GRID2: variants seen among roughly 807,000 people sequenced by gnomAD.
GRID2 encodes glutamate ionotropic receptor delta type subunit 2, also known as glutamate receptor ionotropic, delta-2.
A neutral mutation model predicts 114.8 loss-of-function variants in GRID2; 33 were observed. The ratio of observed to expected loss-of-function variants is 0.29; its 90% CI spans 0.22 to 0.38. GRID2 has a LOEUF of 0.38. Ranked by LOEUF, GRID2 falls within the 10% of genes least tolerant of loss-of-function variation. The probability of loss-of-function intolerance (pLI) is 1.00; values close to 1 mark genes in which losing one functional copy is unlikely to be tolerated. For synonymous variants in GRID2, 505 were observed against 449.9 expected, an observed-to-expected ratio of 1.12 and a Z score of -1.55; for missense variants, 1,184 against 1,257.7, an observed-to-expected ratio of 0.94 and a Z score of 0.89.
chr4:93,716,575 T>C (rs191386300), intron 14 of GRID2, among the ~76,000 whole-genome samples: 1 of 152,016 alleles, frequency 6.6e-6, no homozygotes, highest in African/African-American at 2.4e-5. Flanking sequence ...TGTTATCTAT[T>C]TAAAATGGAC....
intron 8 of GRID2, among the ~76,000 whole-genome samples, chr4:93,280,535 C>T (rs1299439818): frequency 6.6e-6 from 1 of 151,890 alleles, no homozygotes; most frequent in African/African-American, 2.4e-5. Flanking sequence ...ATGCCTTTAT[C>T]TCTTTTTTAT....
At position 93,023,022 on chromosome 4, in the gene GRID2, A is replaced by C. The variant is rs141615263; in HGVS notation, c.245-61973A>C. Among the ~76,000 whole-genome samples the C allele has an allele frequency of 3.6e-3, 548 of 151,966 alleles. 1 individual carries two copies. The highest frequency in any genetic ancestry group is 0.011 in the African/African-American group (476 of 41,498). ...AGAATGTTGACATTGTTTATGTATAAATAGTGAACCAGTGCCATTGATTTT... is the reference window on the plus strand; with the variant it reads ...AGAATGTTGACATTGTTTATGTATACATAGTGAACCAGTGCCATTGATTTT... On this transcript the variant is annotated intron_variant, in intron 2 of 15. Transcript: ENST00000282020.
intron 1 of GRID2, among the ~76,000 whole-genome samples, chr4:92,473,964 T>TTGTGTGTGTGTGTGTGTG (rs59328379): frequency 6.9e-6 from 1 of 144,358 alleles, no homozygotes; most frequent in Non-Finnish European, 1.5e-5. Flanking sequence ...GTTATCTTGG[T>TTGTGTGTGTGTGTGTGTG]TGTGTGTGTG....
chr4:93,191,536 A>G (rs1357230483), intron 4 of GRID2, among the ~76,000 whole-genome samples: 1 of 152,154 alleles, frequency 6.6e-6, no homozygotes, highest in Non-Finnish European at 1.5e-5. Flanking sequence ...CTCTAAATAT[A>G]TTTTATACAA....
Position 92,805,781 on chromosome 4 carries a change from A to T in GRID2, c.244+215495A>T, listed in dbSNP as rs1235980636. ...TTGCACTCTCCAGCCTGAGTGATAAAGTGAAACTCTCTCTTAAAAGAAAGA... is the reference window on the plus strand; with the variant it reads ...TTGCACTCTCCAGCCTGAGTGATAATGTGAAACTCTCTCTTAAAAGAAAGA... On this transcript the variant is annotated intron_variant, in intron 2 of 15. Transcript: ENST00000282020. 2.0e-5 allele frequency among the ~76,000 whole-genome samples: 3 copies of T among 151,970 alleles called. No homozygotes were observed. In the East Asian group the frequency reaches 5.8e-4, roughly 30 times the overall value.
intron 2 of GRID2, among the ~76,000 whole-genome samples, chr4:92,654,067 A>G (rs1408303044): frequency 6.6e-6 from 1 of 152,116 alleles, no homozygotes; most frequent in African/African-American, 2.4e-5. Flanking sequence ...CATTACTCCA[A>G]AGGGTAAATG....
chr4:92,434,244 A>T (rs1400190895), intron 1 of GRID2, among the ~76,000 whole-genome samples: 4 of 152,102 alleles, frequency 2.6e-5, no homozygotes, highest in African/African-American at 9.7e-5. Flanking sequence ...TTTTGCGTGT[A>T]GTCTCTGATG....
chr4:93,657,134 A>G (rs1174907420), intron 14 of GRID2, among the ~76,000 whole-genome samples: 1 of 152,114 alleles, frequency 6.6e-6, no homozygotes. Context: ...ATTTAAGAAT[A>G]AGAAATTCAT....
chr4:92,944,477 C>A (rs961868212), intron 2 of GRID2, among the ~76,000 whole-genome samples: 2 of 152,230 alleles, frequency 1.3e-5, no homozygotes, highest in Non-Finnish European at 2.9e-5. Flanking sequence ...TCTGTCACCC[C>A]TTTCTTTGAC....
At chr4:92,817,522 A>G (rs920354394) in intron 2 of GRID2, among the ~76,000 whole-genome samples, 1 of 152,072 alleles carries the variant, frequency 6.6e-6, no homozygotes, top group Non-Finnish European at 1.5e-5. Flanking sequence ...CTCCTCATAA[A>G]TATCTAATGC....
chr4:92,306,186 T>C (rs967226355), intron 1 of GRID2, among the ~76,000 whole-genome samples: 27 of 152,244 alleles, frequency 1.8e-4, no homozygotes, highest in African/African-American at 6.5e-4. Flanking sequence ...AGAGGCTGTC[T>C]TTGTAAACAT....
intron 8 of GRID2, among the ~76,000 whole-genome samples, chr4:93,361,583 A>G (rs547349351): frequency 3.3e-5 from 5 of 151,764 alleles, no homozygotes; most frequent in Non-Finnish European, 5.9e-5. Flanking sequence ...CCACCTTTTT[A>G]ATAGAGCCTT....
intron 1 of GRID2, among the ~76,000 whole-genome samples, chr4:92,435,181 C>A (rs1732676473): frequency 1.3e-5 from 2 of 152,100 alleles, no homozygotes; most frequent in Admixed American, 1.3e-4. Context: ...CCTGGGCCAC[C>A]AAACCGGATT....
intron 14 of GRID2, among the ~76,000 whole-genome samples, chr4:93,709,966 T>G (rs1216371968): frequency 1.3e-5 from 2 of 152,208 alleles, no homozygotes; most frequent in Non-Finnish European, 2.9e-5. Context: ...ATTCTGAATT[T>G]TTTTCTCTGT....
intron 6 of GRID2, among the ~76,000 whole-genome samples, chr4:93,218,117 T>C (rs1186529660): frequency 1.3e-5 from 2 of 152,096 alleles, no homozygotes; most frequent in Admixed American, 6.6e-5. Context: ...CCATTTCTTC[T>C]AATTACTATC....
intron 1 of GRID2, among the ~76,000 whole-genome samples, chr4:92,370,412 G>C (rs1729064589): frequency 6.6e-6 from 1 of 152,076 alleles, no homozygotes; most frequent in African/African-American, 2.4e-5. Flanking sequence ...AACACTTTGG[G>C]AGGCTGAGGC....
At chr4:93,007,806 T>C (rs1352218511) in intron 2 of GRID2, among the ~76,000 whole-genome samples, 1 of 151,898 alleles carries the variant, frequency 6.6e-6, no homozygotes, top group Non-Finnish European at 1.5e-5. Context: ...TTTGGGAGGC[T>C]GGGCCCAGTG....
At chr4:92,834,426 A>G (rs1742318037) in intron 2 of GRID2, among the ~76,000 whole-genome samples, 1 of 152,096 alleles carries the variant, frequency 6.6e-6, no homozygotes, top group Non-Finnish European at 1.5e-5. Context: ...TAACAGTGGA[A>G]TATTGTCTAT....
intron 4 of GRID2, among the ~76,000 whole-genome samples, chr4:93,195,530 C>T (rs1296136248): frequency 6.6e-6 from 1 of 152,046 alleles, no homozygotes; most frequent in Non-Finnish European, 1.5e-5. Context: ...TTGTGTATGG[C>T]CAAATAAGCT....
Sources: allele counts gnomAD v4.1 joint callset (sites outside exome capture counted in the v4.1 genomes callset), GRCh38; gene constraint gnomAD v4.1.1; transcripts MANE v1.5; gene names NCBI Gene and HGNC (gene_info 2026-07-23, HGNC 2026-07-21).